PIGU: variants seen among roughly 807,000 people sequenced by gnomAD.
PIGU encodes phosphatidylinositol glycan anchor biosynthesis class U.
A neutral mutation model predicts 49.9 loss-of-function variants in PIGU; 24 were observed. That is an observed-to-expected ratio of 0.48 (90% CI 0.35 to 0.68). PIGU has a LOEUF of 0.68. Ranked by LOEUF, PIGU falls within the 30% of genes least tolerant of loss-of-function variation. The pLI is 0.01. For missense variants in PIGU, 490 were observed against 532.6 expected (o/e 0.92, Z 0.79); for synonymous variants, 220 against 205.7 (o/e 1.07, Z -0.59).
chr20:34,667,886 C>A (rs1047834373), intron 1 of PIGU, among the ~76,000 whole-genome samples: 1 of 152,068 alleles, frequency 6.6e-6, no homozygotes, highest in Non-Finnish European at 1.5e-5. Flanking sequence ...AGAAATCTGG[C>A]AGACACTACA....
chr20:34,625,642 C>A (rs1425310392), intron 6 of PIGU, among the ~76,000 whole-genome samples: 1 of 136,762 alleles, frequency 7.3e-6, no homozygotes, highest in East Asian at 2.2e-4. Flanking sequence ...ATGGTCTTTA[C>A]AAAAAACCTT....
At chr20:34,587,224 G>T (rs910374460) in intron 8 of PIGU, among the ~76,000 whole-genome samples, 3 of 152,174 alleles carry the variant, frequency 2.0e-5, no homozygotes, top group African/African-American at 4.8e-5. Flanking sequence ...AATAAGTCCT[G>T]CAGGTGATTC....
intron 5 of PIGU, among the ~76,000 whole-genome samples, chr20:34,636,283 C>T (rs1219297746): frequency 6.6e-6 from 1 of 151,918 alleles, no homozygotes; most frequent in Non-Finnish European, 1.5e-5. Context: ...TAACTCATGC[C>T]TGTAATCCCA....
At chr20:34,653,318 G>C (rs929656208) in intron 2 of PIGU, among the ~76,000 whole-genome samples, 4 of 152,116 alleles carry the variant, frequency 2.6e-5, no homozygotes, top group African/African-American at 9.7e-5. Flanking sequence ...TTTTATGTCT[G>C]CTTGTTCTAC....
intron 6 of PIGU, among the ~76,000 whole-genome samples, chr20:34,633,930 T>C (rs898860075): frequency 3.3e-5 from 5 of 152,236 alleles, no homozygotes; most frequent in Non-Finnish European, 5.9e-5. Flanking sequence ...CTAAAATTTA[T>C]AATTCAGGAA....
At chr20:34,646,641 T>G (rs1986354020) in intron 2 of PIGU, among the ~76,000 whole-genome samples, 1 of 151,922 alleles carries the variant, frequency 6.6e-6, no homozygotes. Context: ...ACTCCTAACC[T>G]CAAGTGATCC....
intron 1 of PIGU, among the ~76,000 whole-genome samples, chr20:34,664,583 G>A (rs948649038): frequency 2.0e-5 from 3 of 152,026 alleles, no homozygotes; most frequent in Admixed American, 1.3e-4. Context: ...TAGAAGAATC[G>A]CTTGAACCTG....
At position 34,581,570 on chromosome 20, in the gene PIGU, G is replaced by A. The variant is rs776500928; in HGVS notation, c.1029C>T (p.Pro343=). Residue 343 remains proline (P), a synonymous_variant, in exon 10 of 12, where the codon CCC becomes CCT. Transcript: ENST00000217446. ...CACATCTGTAGAGATGGTTCCACACGGGGAAGAAGGCCATGTAGAGCGCCA... is the reference window on the plus strand; with the variant it reads ...CACATCTGTAGAGATGGTTCCACACAGGGAAGAAGGCCATGTAGAGCGCCA... ...GDVALYMAFF[P]VWNHLYRFLR... The A allele has an allele frequency of 8.1e-6, 13 of 1,613,396 alleles. No homozygotes were observed. The highest frequency in any genetic ancestry group is 4.5e-5 in the East Asian group (2 of 44,864).
intron 1 of PIGU, among the ~76,000 whole-genome samples, chr20:34,668,772 AAAAT>A (rs538438105): frequency 1.5e-4 from 23 of 151,238 alleles, no homozygotes; most frequent in East Asian, 1.4e-3. Flanking sequence ...CTGACTCAAA[AAAAT>A]AAATAAATAA....
At chr20:34,637,265 T>C (rs1985997357) in intron 5 of PIGU, among the ~76,000 whole-genome samples, 1 of 152,194 alleles carries the variant, frequency 6.6e-6, no homozygotes, top group South Asian at 2.1e-4. Context: ...AACTGGTATA[T>C]TATTAATATT....
chr20:34,616,792 A>T (rs1041922512), intron 6 of PIGU, among the ~76,000 whole-genome samples: 12 of 149,896 alleles, frequency 8.0e-5, no homozygotes, highest in Middle Eastern at 3.2e-3. Context: ...TTTATTTTAT[A>T]AAAAAAAAAT....
At chr20:34,562,799 C>T (rs1982584332) in intron 11 of PIGU, among the ~76,000 whole-genome samples, 1 of 152,218 alleles carries the variant, frequency 6.6e-6, no homozygotes, top group Non-Finnish European at 1.5e-5. Context: ...GCTGGCAGCT[C>T]CAGGCTGGCC....
chr20:34,657,110 G>C, intron 2 of PIGU, 70 bp downstream of exon 2: 1 of 1,174,786 alleles, frequency 8.5e-7, no homozygotes, highest in East Asian at 2.3e-5. Flanking sequence ...GTACAAAACA[G>C]AGGTTAGGCT....
chr20:34,562,636 T>C, intron 11 of PIGU: 1 of 1,176,872 alleles, frequency 8.5e-7, no homozygotes, highest in East Asian at 5.7e-5. Context: ...ATGGTTGGCC[T>C]AAGGCTACAC....
At chr20:34,636,048 A>T (rs912334604) in intron 5 of PIGU, among the ~76,000 whole-genome samples, 1 of 151,350 alleles carries the variant, frequency 6.6e-6, no homozygotes, top group Non-Finnish European at 1.5e-5. Flanking sequence ...ACATAAAAAA[A>T]CCCTTAGCCA....
Position 34,560,889 on chromosome 20 carries a change from C to T in PIGU, c.1285G>A (p.Glu429Lys), listed in dbSNP as rs1568615527. ...GCCTACTTGAGCACGAGCATGGCCT[C>T]TGTGCCATCCTTGGCGGTCAAGTAG... is the stretch of plus-strand genomic sequence containing the variant. ...GLYLTAKDGT[E>K]AMLVLK Residue 429 changes from glutamate to lysine, a missense_variant, in exon 12 of 12, where the codon GAG becomes AAG. Transcript: ENST00000217446. 7 of 1,610,966 alleles carry T rather than the reference C, an allele frequency of 4.3e-6. No homozygotes were observed. The highest frequency in any genetic ancestry group is 5.9e-6 in the Non-Finnish European group (7 of 1,177,944).
intron 1 of PIGU, among the ~76,000 whole-genome samples, chr20:34,666,950 G>A (rs1183711177): frequency 6.6e-6 from 1 of 151,766 alleles, no homozygotes; most frequent in Admixed American, 6.6e-5. Context: ...CACCCGCCTC[G>A]GCCTCCCAAA....
At chr20:34,599,045 C>G (rs1268753697) in intron 7 of PIGU, among the ~76,000 whole-genome samples, 1 of 152,142 alleles carries the variant, frequency 6.6e-6, no homozygotes. Context: ...GGGTCTTGCT[C>G]TGTAGCTCAT....
rs541424275 is a variant in PIGU at position 34,664,516 on chromosome 20, T to A, written c.131-7272A>T. Among the ~76,000 whole-genome samples the A allele has an allele frequency of 9.0e-4, 136 of 150,600 alleles. 1 individual carries two copies. The highest frequency in any genetic ancestry group is 3.0e-3 in the African/African-American group (122 of 40,876). On this transcript the variant is annotated intron_variant, in intron 1 of 11. Coordinates refer to ENST00000217446, the MANE Select transcript of PIGU (RefSeq NM_080476.5). Reference sequence around the variant, plus strand: ...GCACTCAAGACCAGCCTGGCCAACATGGTGAAACCCTGTCTTTACTAAAAA... The same window carrying A: ...GCACTCAAGACCAGCCTGGCCAACAAGGTGAAACCCTGTCTTTACTAAAAA...
Sources: gnomAD v4.1 joint callset for allele counts (sites outside exome capture counted in the v4.1 genomes callset) on GRCh38, gnomAD v4.1.1 for gene constraint, MANE v1.5 for transcripts, NCBI Gene and HGNC (gene_info 2026-07-23, HGNC 2026-07-21) for gene names.